Variants in NEK7 observed in about 807,000 individuals in gnomAD.
The protein encoded by NEK7 is serine/threonine-protein kinase Nek7.
NEK7 carries 18 observed loss-of-function variants against 44.6 expected under a neutral mutation model. The ratio of observed to expected loss-of-function variants is 0.40; its 90% CI spans 0.28 to 0.60. The LOEUF is 0.60. NEK7 is among the 20% of genes least tolerant of loss of function. The probability of loss-of-function intolerance (pLI) is 0.38; values close to 1 mark genes in which losing one functional copy is unlikely to be tolerated. For missense variants in NEK7, 256 were observed against 366.5 expected, an observed-to-expected ratio of 0.70 and a Z score of 2.46; for synonymous variants, 130 against 121.1, an observed-to-expected ratio of 1.07 and a Z score of -0.48.
chr1:198,269,165 A>C (rs963245376), intron 5 of NEK7, among the ~76,000 whole-genome samples: 1 of 152,120 alleles, frequency 6.6e-6, no homozygotes, highest in African/African-American at 2.4e-5. Flanking sequence ...GGCTATCTTC[A>C]GCTTCTAGCT....
chr1:198,163,755 GT>G (rs1051036631), intron 1 of NEK7, among the ~76,000 whole-genome samples: 5 of 152,084 alleles, frequency 3.3e-5, no homozygotes, highest in Non-Finnish European at 5.9e-5. Flanking sequence ...TCTCATCACC[GT>G]CTTTGTTGTT....
chr1:198,319,420 G>A lies in NEK7; in HGVS notation c.807G>A (p.Gln269=), dbSNP rs761194727. 17 of 1,609,400 alleles carry A rather than the reference G, an allele frequency of 1.1e-5. No homozygotes were observed. Among genetic ancestry groups the A allele is most frequent in the Non-Finnish European group, 1.1e-5 (13 of 1,177,632 alleles). The part of the protein sequence containing the change: ...PSDHYSEELR[Q]LVNMCINPDP... ...TTTTTCTTTCTTCACAGCTCCGACA[G>A]TTAGTTAATATGTGCATCAACCCAG... Residue 269 remains glutamine, a synonymous_variant, in exon 10 of 10, where the codon CAG becomes CAA. Transcript: ENST00000367385.
rs187228228 is a variant in NEK7, at chr1:198,159,234, G to T, written c.-29+1958G>T. ...CAGCCCTGGGCTCGGAGAAGGCCGC[G>T]TTAGTTCTTTTTCTAGGGATGTCTG... is the stretch of plus-strand genomic sequence containing the variant. On this transcript the variant is annotated intron_variant, in intron 1 of 9. Coordinates refer to ENST00000367385, the MANE Select transcript of NEK7 (RefSeq NM_133494.3). 3.9e-5 allele frequency among the ~76,000 whole-genome samples: 6 copies of T among 152,260 alleles called. No homozygotes were observed. The East Asian group carries it at 1.2e-3, about 29-fold the overall frequency.
intron 9 of NEK7, 144 bp from the exon 10 acceptor site, chr1:198,319,268 A>T: frequency 1.8e-6 from 1 of 568,272 alleles, no homozygotes; most frequent in South Asian, 2.3e-5. Flanking sequence ...CAGCAGTCTT[A>T]TATATATTTC....
At chr1:198,315,359 C>T (rs1050111171) in intron 9 of NEK7, among the ~76,000 whole-genome samples, 4 of 152,210 alleles carry the variant, frequency 2.6e-5, no homozygotes, top group Non-Finnish European at 5.9e-5. Flanking sequence ...GAGATGAACC[C>T]GGTACCTCAG....
At chr1:198,223,244 C>A (rs1666120585) in intron 1 of NEK7, among the ~76,000 whole-genome samples, 1 of 152,096 alleles carries the variant, frequency 6.6e-6, no homozygotes, top group Non-Finnish European at 1.5e-5. Flanking sequence ...AATTAGTAGG[C>A]TATTATGGTA....
intron 2 of NEK7, among the ~76,000 whole-genome samples, chr1:198,248,098 C>T (rs1283542919): frequency 6.6e-6 from 1 of 152,066 alleles, no homozygotes; most frequent in Non-Finnish European, 1.5e-5. Context: ...TGGTAAAAGG[C>T]ACGGAAGAGT....
intron 1 of NEK7, among the ~76,000 whole-genome samples, chr1:198,196,347 A>G (rs1665236632): frequency 6.6e-6 from 1 of 152,216 alleles, no homozygotes; most frequent in Non-Finnish European, 1.5e-5. Context: ...TGGAATAAGC[A>G]CTTATTTGTG....
At chr1:198,284,403 T>C (rs1320535534) in intron 7 of NEK7, among the ~76,000 whole-genome samples, 2 of 152,178 alleles carry the variant, frequency 1.3e-5, no homozygotes, top group East Asian at 3.9e-4. Context: ...GTTTGCTCTC[T>C]CTCCTAGAAT....
chr1:198,193,568 C>T (rs1394221227), intron 1 of NEK7, among the ~76,000 whole-genome samples: 2 of 152,306 alleles, frequency 1.3e-5, no homozygotes, highest in Non-Finnish European at 2.9e-5. Flanking sequence ...CAGTGAAATA[C>T]TGGCAAACCG....
chr1:198,228,730 CT>C (rs528125898), intron 1 of NEK7, among the ~76,000 whole-genome samples: 42 of 152,276 alleles, frequency 2.8e-4, no homozygotes, highest in African/African-American at 1.0e-3. Context: ...TATCCTGAGA[CT>C]TTGCTGAAGT....
chr1:198,318,024 G>T lies in NEK7; in HGVS notation c.799-1388G>T, dbSNP rs558999194. On this transcript the variant is annotated intron_variant, in intron 9 of 9. Transcript: ENST00000367385. ...AATGCTGTTCTCTGCTCTTTTGGAA[G>T]GAATATAAATTAAAATCTTCAGGCT... 2.6e-5 allele frequency among the ~76,000 whole-genome samples: 4 copies of T among 151,438 alleles called. No homozygotes were observed. The East Asian group carries it at 7.8e-4, about 29-fold the overall frequency.
At chr1:198,268,571 C>T (rs923560412) in intron 5 of NEK7, among the ~76,000 whole-genome samples, 2 of 152,008 alleles carry the variant, frequency 1.3e-5, no homozygotes, top group Non-Finnish European at 2.9e-5. Flanking sequence ...TCCTTAAATC[C>T]GTTTCTCCAT....
chr1:198,206,070 G>T (rs1237939190), intron 1 of NEK7, among the ~76,000 whole-genome samples: 1 of 152,042 alleles, frequency 6.6e-6, no homozygotes, highest in African/African-American at 2.4e-5. Flanking sequence ...GTAGTACCTT[G>T]TGTAATATTT....
At chr1:198,261,205 A>G (rs1653450478) in intron 3 of NEK7, among the ~76,000 whole-genome samples, 1 of 151,984 alleles carries the variant, frequency 6.6e-6, no homozygotes, top group Admixed American at 6.6e-5. Flanking sequence ...CTTTGTACAC[A>G]CATATATTTT....
chr1:198,234,299 CAAG>C (rs1185945943), intron 2 of NEK7, among the ~76,000 whole-genome samples: 1 of 140,944 alleles, frequency 7.1e-6, no homozygotes, highest in Non-Finnish European at 1.5e-5. Flanking sequence ...ATTTTGATTT[CAAG>C]AAGAATTTTT....
At chr1:198,273,085 T>C (rs189965246) in intron 5 of NEK7, among the ~76,000 whole-genome samples, 80 of 151,918 alleles carry the variant, frequency 5.3e-4, no homozygotes, top group African/African-American at 1.7e-3. Flanking sequence ...TATTCTATTA[T>C]AATCTAAAAA....
chr1:198,182,538 C>T (rs1159291086), intron 1 of NEK7, among the ~76,000 whole-genome samples: 1 of 152,102 alleles, frequency 6.6e-6, no homozygotes, highest in Non-Finnish European at 1.5e-5. Flanking sequence ...GCTGCCAGGC[C>T]TGTGGCCATT....
intron 1 of NEK7, among the ~76,000 whole-genome samples, chr1:198,179,811 G>GTGTA (rs577935673): frequency 7.5e-6 from 1 of 133,468 alleles, no homozygotes; most frequent in Non-Finnish European, 1.7e-5. Flanking sequence ...GTGTGTGTGT[G>GTGTA]TGTATGTATG....
Sources: allele counts gnomAD v4.1 joint callset (sites outside exome capture counted in the v4.1 genomes callset), GRCh38; gene constraint gnomAD v4.1.1; transcripts MANE v1.5; gene names NCBI Gene and HGNC (gene_info 2026-07-23, HGNC 2026-07-21).